Variants in PKP2 observed in about 807,000 individuals in gnomAD.
The protein encoded by PKP2 is plakophilin-2.
In PKP2, 73 loss-of-function variants were observed where a neutral mutation model predicts 83.4. The observed-to-expected ratio is 0.88, with a 90% CI of 0.72 to 1.06. PKP2 has a LOEUF of 1.06. Among genes scored for constraint, PKP2 ranks in the 50% least tolerant of loss-of-function variants. The pLI, the probability that PKP2 is intolerant of heterozygous loss-of-function variation, is 0.00. For synonymous variants in PKP2, 409 were observed against 430.4 expected (o/e 0.95, Z 0.62); for missense variants, 966 against 1,065.4 (o/e 0.91, Z 1.30).
At position 32,878,162 on chromosome 12, in the gene PKP2, G is replaced by A. The variant is rs1465975937; in HGVS notation, c.718C>T (p.Leu240=). The change falls in exon 3 of 13, where the codon CTG becomes TTG. Residue 240 remains leucine (L), a synonymous_variant. Coordinates refer to ENST00000340811, the MANE Select transcript of PKP2 (RefSeq NM_001005242.3). ...GTCCCTGGCCTGGGGTACGTGAGCA[G>A]GGCCGGGTTGGCAGGGATGCTGTCA... ...VFDSIPANPA[L]LTYPRPGTSR... 2 of 1,614,138 alleles carry A rather than the reference G, an allele frequency of 1.2e-6. No homozygotes were observed. Among genetic ancestry groups the A allele is most frequent in the East Asian group, 2.2e-5 (1 of 44,898 alleles).
At chr12:32,823,470 G>C (rs1956403255) in intron 7 of PKP2, among the ~76,000 whole-genome samples, 1 of 151,566 alleles carries the variant, frequency 6.6e-6, no homozygotes. Flanking sequence ...ACAAGTTTGG[G>C]AATGAAAAAA....
intron 9 of PKP2, among the ~76,000 whole-genome samples, chr12:32,814,767 T>C (rs780373082): frequency 4.0e-5 from 6 of 151,896 alleles, no homozygotes; most frequent in Non-Finnish European, 7.4e-5. Context: ...CTACTAAAAG[T>C]ACAAAAAATT....
At chr12:32,796,677 G>A (rs1226032021) in intron 10 of PKP2, among the ~76,000 whole-genome samples, 8 of 152,110 alleles carry the variant, frequency 5.3e-5, no homozygotes, top group Admixed American at 5.2e-4. Context: ...GGGATTACAG[G>A]CGTGAGACAC....
chr12:32,887,875 G>T (rs1052666866), intron 1 of PKP2, among the ~76,000 whole-genome samples: 5 of 152,168 alleles, frequency 3.3e-5, no homozygotes, highest in Admixed American at 6.6e-5. Flanking sequence ...TATCCTGGAA[G>T]TATCTAAATC....
chr12:32,868,494 G>C (rs1459255045), intron 4 of PKP2, among the ~76,000 whole-genome samples: 2 of 151,304 alleles, frequency 1.3e-5, no homozygotes, highest in Non-Finnish European at 2.9e-5. Context: ...TGGGATTACA[G>C]GCGTGAGCCA....
At chr12:32,847,827 G>A (rs552743496) in intron 5 of PKP2, among the ~76,000 whole-genome samples, 2 of 152,160 alleles carry the variant, frequency 1.3e-5, no homozygotes, top group African/African-American at 4.8e-5. Context: ...CAACGCGGGT[G>A]CAGTGGCATG....
At chr12:32,889,158 G>A (rs1488322918) in intron 1 of PKP2, among the ~76,000 whole-genome samples, 1 of 152,168 alleles carries the variant, frequency 6.6e-6, no homozygotes, top group Non-Finnish European at 1.5e-5. Flanking sequence ...AGAAGGAAGG[G>A]AGGGAGACAA....
At chr12:32,868,782 A>T (rs1956871258) in intron 4 of PKP2, 145 bp downstream of exon 4, 19 of 925,320 alleles carry the variant, frequency 2.1e-5, no homozygotes, top group Non-Finnish European at 2.9e-5. Context: ...TCGGCCTCCC[A>T]AAGTGCTGGG....
intron 1 of PKP2, among the ~76,000 whole-genome samples, chr12:32,879,685 C>T (rs1956967927): frequency 6.6e-6 from 1 of 151,914 alleles, no homozygotes; most frequent in African/African-American, 2.4e-5. Context: ...AAAAAATTAG[C>T]TGTGCGTGGT....
chr12:32,848,724 C>T (rs1489419032), intron 5 of PKP2, among the ~76,000 whole-genome samples: 5 of 152,092 alleles, frequency 3.3e-5, no homozygotes, highest in Non-Finnish European at 5.9e-5. Flanking sequence ...CAGGACCATT[C>T]GTATCCCAAA....
chr12:32,806,706 C>G (rs200483279), intron 9 of PKP2, among the ~76,000 whole-genome samples: 9 of 113,140 alleles, frequency 8.0e-5, no homozygotes, highest in South Asian at 3.4e-4. Flanking sequence ...GTGTGTGTGT[C>G]TGTATCTCCT....
At chr12:32,846,155 T>C (rs1327063508) in intron 5 of PKP2, among the ~76,000 whole-genome samples, 3 of 152,210 alleles carry the variant, frequency 2.0e-5, no homozygotes, top group Admixed American at 2.0e-4. Flanking sequence ...GAACCCCTGC[T>C]GCACTCTTAT....
chr12:32,792,132 TC>T lies in PKP2; in HGVS notation c.*291del. The T allele has an allele frequency of 4.4e-6, 2 of 449,570 alleles. No individual in the cohort carries two copies. The highest frequency in any genetic ancestry group is 8.2e-6 in the Non-Finnish European group (2 of 245,314). The allele number at this position is 449,570 out of a possible 1,614,324, so 27.8% of individuals were successfully genotyped here. A position where few individuals can be genotyped will look rare whatever the true frequency, so the allele number is the denominator to read the frequency against. On this transcript the variant is annotated 3_prime_UTR_variant, in exon 13 of 13. Transcript: ENST00000340811. ...TCTTTCCTTATTTATTGGATTAATG[TC>T]CCTTCCACATGAATTCACATTTTGA... is the stretch of plus-strand genomic sequence containing the variant.
intron 3 of PKP2, among the ~76,000 whole-genome samples, chr12:32,871,665 C>T (rs1277141149): frequency 2.0e-5 from 3 of 152,104 alleles, no homozygotes; most frequent in Admixed American, 6.5e-5. Context: ...GGGGTTTCAC[C>T]ATGTTGGCCA....
rs902394723 is a variant in PKP2, at chr12:32,822,903, C to T, written c.1675-272G>A. On this transcript the variant is annotated intron_variant, in intron 7 of 12. Transcript: ENST00000340811. ...CCAGAACAACTGTATAGCTTAGATA[C>T]GTAACTTACTAGCCATGTTGAGCTG... is the stretch of plus-strand genomic sequence containing the variant. Among the ~76,000 whole-genome samples the T allele has an allele frequency of 1.2e-4, 19 of 152,092 alleles. No homozygotes were observed. In the South Asian group the frequency reaches 1.5e-3, roughly 12 times the overall value.
rs770907868 is a variant in PKP2 at position 32,809,834 on chromosome 12, C to T, written c.2014-7278G>A. 4.5e-4 allele frequency among the ~76,000 whole-genome samples: 69 copies of T among 152,144 alleles called. 1 individual carries two copies. Among genetic ancestry groups the T allele is most frequent in the African/African-American group, 1.2e-4 (5 of 41,432 alleles). On this transcript the variant is annotated intron_variant, in intron 9 of 12. Coordinates refer to ENST00000340811, the MANE Select transcript of PKP2 (RefSeq NM_001005242.3). ...CTGGGGGTGGGGGTTCCTTTGGCTC[C>T]GTGAGGCTCCTGGGTGGGCCACTGA...
chr12:32,855,540 G>A (rs113507043), intron 4 of PKP2, among the ~76,000 whole-genome samples: 22,566 of 152,114 alleles, frequency 0.15, 1,822 homozygotes, highest in Middle Eastern at 0.22. Flanking sequence ...TTGGAAGGCC[G>A]AGGCAGGTCA....
At chr12:32,836,351 C>T (rs1209823012) in intron 6 of PKP2, among the ~76,000 whole-genome samples, 4 of 152,184 alleles carry the variant, frequency 2.6e-5, no homozygotes, top group South Asian at 2.1e-4. Flanking sequence ...CCTGACAGTG[C>T]TAGTCTTTTT....
chr12:32,858,146 A>G (rs1202684610), intron 4 of PKP2, among the ~76,000 whole-genome samples: 66 of 108,238 alleles, frequency 6.1e-4, no homozygotes, highest in African/African-American at 2.1e-3. Context: ...ATATATATAT[A>G]TATATAAATA....
Sources: allele counts gnomAD v4.1 joint callset (sites outside exome capture counted in the v4.1 genomes callset), GRCh38; gene constraint gnomAD v4.1.1; transcripts MANE v1.5; gene names NCBI Gene and HGNC (gene_info 2026-07-23, HGNC 2026-07-21).